Variants in ASH1L observed in about 807,000 individuals in gnomAD.
ASH1L encodes histone-lysine N-methyltransferase ASH1L.
In ASH1L, 23 loss-of-function variants were observed where a neutral mutation model predicts 269.0. The observed-to-expected ratio is 0.09, with a 90% CI of 0.06 to 0.12. The LOEUF (loss-of-function observed/expected upper bound fraction) is 0.12. ASH1L is among the 10% of genes least tolerant of loss of function. ASH1L has a pLI of 1.00. For missense variants in ASH1L, 2,912 were observed against 3,567.8 expected (o/e 0.82, Z 4.68); for synonymous variants, 1,187 against 1,253.5 (o/e 0.95, Z 1.12).
Position 155,337,611 on chromosome 1 carries a change from G to T in ASH1L, c.*49C>A, listed in dbSNP as rs202077056. ...TACCCAGAGAGCAGGAGGCAGGACT[G>T]ATTAGCTCCACTGGATCCCAGATGC... On this transcript the variant is annotated 3_prime_UTR_variant, in exon 28 of 28. Coordinates refer to ENST00000392403, the MANE Select transcript of ASH1L (RefSeq NM_018489.3). The T allele has an allele frequency of 4.6e-4, 692 of 1,516,364 alleles. 4 individuals carry two copies. The African/African-American group carries it at 8.2e-3, about 18-fold the overall frequency. The allele number at this position is 1,516,364 out of a possible 1,614,324, so 93.9% of individuals were successfully genotyped here. A position where few individuals can be genotyped will look rare whatever the true frequency, so the allele number is the denominator to read the frequency against.
chr1:155,445,686 T>A (rs1662953427), intron 4 of ASH1L, among the ~76,000 whole-genome samples: 2 of 152,268 alleles, frequency 1.3e-5, no homozygotes, highest in Admixed American at 1.3e-4. Context: ...TGCAACTGTA[T>A]TGAGTCCACT....
chr1:155,563,179 C>T (rs766789160), upstream of ASH1L: 2 of 456,852 alleles, frequency 4.4e-6, no homozygotes, highest in East Asian at 7.0e-5. Flanking sequence ...CCTCTGCCCA[C>T]CGGTGGTTGG....
chr1:155,545,253 A>C (rs72995181), intron 1 of ASH1L, among the ~76,000 whole-genome samples: 239 of 150,914 alleles, frequency 1.6e-3, no homozygotes, highest in African/African-American at 5.6e-3. Context: ...AATAGCAAGT[A>C]ATACTGATAA....
At chr1:155,504,586 G>A (rs751641127) in intron 2 of ASH1L, among the ~76,000 whole-genome samples, 1 of 152,140 alleles carries the variant, frequency 6.6e-6, no homozygotes, top group African/African-American at 2.4e-5. Context: ...GGGCGCGGTG[G>A]CTCAGGCCTG....
chr1:155,514,158 G>GT (rs1280452328), intron 2 of ASH1L, among the ~76,000 whole-genome samples: 3 of 152,276 alleles, frequency 2.0e-5, no homozygotes, highest in Non-Finnish European at 2.9e-5. Flanking sequence ...AGAATGAAGA[G>GT]TTAATAGAGT....
chr1:155,498,917 TAA>T (rs56675557), intron 2 of ASH1L, among the ~76,000 whole-genome samples: 30 of 80,114 alleles, frequency 3.7e-4, no homozygotes, highest in Admixed American at 6.6e-4. Flanking sequence ...AGAACAGGAG[TAA>T]AAAAAAAAAA....
At chr1:155,360,449 T>A (rs767533436) in intron 12 of ASH1L, 40 bp from the exon 13 acceptor site, 8 of 1,351,282 alleles carry the variant, frequency 5.9e-6, no homozygotes. Context: ...GCTGGAAATT[T>A]TTTTTTTTTT....
chr1:155,377,052 C>G (rs907376774), intron 10 of ASH1L, among the ~76,000 whole-genome samples: 3 of 151,672 alleles, frequency 2.0e-5, no homozygotes, highest in Admixed American at 6.6e-5. Context: ...GGATTATAGG[C>G]ATGAGCCACC....
At chr1:155,376,811 C>T (rs1397240882) in intron 10 of ASH1L, among the ~76,000 whole-genome samples, 8 of 147,856 alleles carry the variant, frequency 5.4e-5, no homozygotes, top group African/African-American at 1.0e-4. Context: ...GCCAAGATCG[C>T]GCCACTGCAC....
chr1:155,454,086 C>T (rs769637031), intron 4 of ASH1L, among the ~76,000 whole-genome samples: 1 of 152,164 alleles, frequency 6.6e-6, no homozygotes, highest in Non-Finnish European at 1.5e-5. Flanking sequence ...GCCTGAGCGA[C>T]GGAGCAAGAC....
chr1:155,535,335 T>C (rs771892789), intron 1 of ASH1L, among the ~76,000 whole-genome samples: 20 of 152,126 alleles, frequency 1.3e-4, no homozygotes, highest in Non-Finnish European at 2.1e-4. Flanking sequence ...GCTCAAATGA[T>C]TCTCTCACCT....
At chr1:155,474,330 C>G (rs1165959706) in intron 3 of ASH1L, among the ~76,000 whole-genome samples, 2 of 152,134 alleles carry the variant, frequency 1.3e-5, no homozygotes, top group Non-Finnish European at 2.9e-5. Flanking sequence ...AGCTTCTCTA[C>G]TAAGCCTGAG....
intron 6 of ASH1L, among the ~76,000 whole-genome samples, chr1:155,412,230 C>A (rs181957788): frequency 2.7e-5 from 4 of 145,814 alleles, no homozygotes; most frequent in African/African-American, 1.0e-4. Context: ...CAACAGAGCA[C>A]GACTCCGTCT....
intron 12 of ASH1L, among the ~76,000 whole-genome samples, chr1:155,367,176 T>C (rs566846158): frequency 1.3e-5 from 2 of 152,218 alleles, no homozygotes; most frequent in East Asian, 3.9e-4. Context: ...ATATTTTTAG[T>C]AGAGACAGGG....
At chr1:155,489,646 T>C (rs968679212) in intron 2 of ASH1L, among the ~76,000 whole-genome samples, 1 of 151,602 alleles carries the variant, frequency 6.6e-6, no homozygotes, top group Non-Finnish European at 1.5e-5. Flanking sequence ...TAGTCCCAGC[T>C]ACTCGGGAGG....
At chr1:155,340,951 AC>A (rs1174863181) in intron 25 of ASH1L, among the ~76,000 whole-genome samples, 2 of 151,696 alleles carry the variant, frequency 1.3e-5, no homozygotes, top group African/African-American at 2.4e-5. Flanking sequence ...AAACACCACC[AC>A]CACAAATTTT....
At chr1:155,433,892 G>A (rs777473761) in intron 5 of ASH1L, 27 of 1,599,796 alleles carry the variant, frequency 1.7e-5, no homozygotes, top group Non-Finnish European at 2.3e-5. Flanking sequence ...AACCAGTATC[G>A]AGAACCGAGT....
At chr1:155,409,150 A>C (rs1390824451) in intron 6 of ASH1L, among the ~76,000 whole-genome samples, 1 of 151,960 alleles carries the variant, frequency 6.6e-6, no homozygotes, top group Non-Finnish European at 1.5e-5. Flanking sequence ...TCAGCCTCCC[A>C]AATAGCTGGG....
chr1:155,558,987 G>A (rs114395443), intron 1 of ASH1L, among the ~76,000 whole-genome samples: 3,089 of 150,820 alleles, frequency 0.02, 104 homozygotes, highest in African/African-American at 0.072. Flanking sequence ...TGGGACTACC[G>A]GCACACACAC....
Sources: allele counts gnomAD v4.1 joint callset (sites outside exome capture counted in the v4.1 genomes callset), GRCh38; gene constraint gnomAD v4.1.1; transcripts MANE v1.5; gene names NCBI Gene and HGNC (gene_info 2026-07-23, HGNC 2026-07-21).